Variants in KLK2 observed in about 807,000 individuals in gnomAD.
The protein encoded by KLK2 is kallikrein-2.
KLK2 carries 17 observed loss-of-function variants against 23.0 expected under a neutral mutation model. The ratio of observed to expected loss-of-function variants is 0.74; its 90% CI spans 0.51 to 1.11. The LOEUF (loss-of-function observed/expected upper bound fraction) is 1.11. Ranked by LOEUF, KLK2 falls within the 50% of genes least tolerant of loss-of-function variation. The pLI is 0.00. For missense variants in KLK2, 330 were observed against 325.9 expected (o/e 1.01, Z -0.10); for synonymous variants, 140 against 124.7 (o/e 1.12, Z -0.82).
At chr19:50,876,242 GCTCT>G in intron 2 of KLK2, 2 of 567,376 alleles carry the variant, frequency 3.5e-6, no homozygotes, top group Non-Finnish European at 6.3e-6. Context: ...GCCATTTTAT[GCTCT>G]CTCTTTTCCA....
chr19:50,878,403 G>C lies in KLK2; in HGVS notation c.631-1G>C. On this transcript the variant is annotated splice_acceptor_variant, in intron 4 of 4. Transcript: ENST00000325321. LOFTEE classifies it high-confidence loss of function. ...CTGTGTCTCTCCTCCTTTACCCTTAGGGTGATTCTGGGGGTCCACTTGTCT... is the reference window on the plus strand; with the variant it reads ...CTGTGTCTCTCCTCCTTTACCCTTACGGTGATTCTGGGGGTCCACTTGTCT... 6.2e-7 allele frequency: 1 copy of C among 1,612,442 alleles called. No homozygotes were observed. The highest frequency in any genetic ancestry group is 8.5e-7 in the Non-Finnish European group (1 of 1,178,840).
chr19:50,876,606 A>T lies in KLK2; in HGVS notation c.341A>T (p.Asp114Val), dbSNP rs1313589053. 1 of 1,614,084 alleles carries T rather than the reference A, an allele frequency of 6.2e-7. No homozygotes were observed. Among genetic ancestry groups the T allele is most frequent in the African/African-American group, 1.3e-5 (1 of 74,934 alleles). Residue 114 changes from aspartate to valine, a missense_variant, in exon 3 of 5, where the codon GAT (aspartate) becomes GTT (valine). Physicochemically the swap from Asp to Val is radical, Grantham distance 152. Transcript: ENST00000325321. ...CTGAAGCATCAAAGCCTTAGACCAG[A>T]TGAAGACTCCAGCCATGACCTCATG... ...SLLKHQSLRP[D>V]EDSSHDLMLL... is the part of the protein sequence containing the mutation.
Position 50,879,002 on chromosome 19 carries a change from C to T in KLK2, c.*443C>T, listed in dbSNP as rs978382876. 7.2e-5 allele frequency: 17 copies of T among 237,544 alleles called. No homozygotes were observed. The highest frequency in any genetic ancestry group is 3.5e-4 in the African/African-American group (16 of 45,458). 14.7% of individuals were successfully genotyped at this position (237,544 alleles called of 1,614,324 possible). A position where few individuals can be genotyped will look rare whatever the true frequency, so the allele number is the denominator to read the frequency against. On this transcript the variant is annotated 3_prime_UTR_variant, in exon 5 of 5. Coordinates refer to ENST00000325321, the MANE Select transcript of KLK2 (RefSeq NM_005551.5). ...CACAATGCATGAGGCACACACACAG[C>T]AAGGATGACGCTGTAAACATAGCCC...
chr19:50,880,522 A>G lies in KLK2; in HGVS notation c.*1963A>G, dbSNP rs1283477355. 1 of 211,414 alleles carries G rather than the reference A, an allele frequency of 4.7e-6. No homozygotes were observed. The highest frequency in any genetic ancestry group is 9.6e-6 in the Non-Finnish European group (1 of 104,366). 13.1% of individuals were successfully genotyped at this position (211,414 alleles called of 1,614,324 possible). A position where few individuals can be genotyped will look rare whatever the true frequency, so the allele number is the denominator to read the frequency against. On this transcript the variant is annotated 3_prime_UTR_variant, in exon 5 of 5. Transcript: ENST00000325321. ...AAGATTTTGTGGCACTCCTGGTTAC[A>G]GATACTGGGGCAGCAAATAAAACTG...
chr19:50,879,500 G>A lies in KLK2; in HGVS notation c.*941G>A. 8.6e-6 allele frequency: 2 copies of A among 231,640 alleles called. No homozygotes were observed. The highest frequency in any genetic ancestry group is 1.7e-5 in the Non-Finnish European group (2 of 117,088). The allele number at this position is 231,640 out of a possible 1,614,324, so 14.3% of individuals were successfully genotyped here. A position where few individuals can be genotyped will look rare whatever the true frequency, so the allele number is the denominator to read the frequency against. ...CATATCTGACAGTTATTCTCTCCAAGTGGAGACTTACGGACAGCATATAAT... is the reference window on the plus strand; with the variant it reads ...CATATCTGACAGTTATTCTCTCCAAATGGAGACTTACGGACAGCATATAAT... On this transcript the variant is annotated 3_prime_UTR_variant, in exon 5 of 5. Transcript: ENST00000325321.
Position 50,876,650 on chromosome 19 carries a change from C to A in KLK2, c.385C>A (p.Pro129Thr), listed in dbSNP as rs775716275. 6.2e-7 allele frequency: 1 copy of A among 1,614,176 alleles called. No individual in the cohort carries two copies. ...CCTCATGCTGCTCCGCCTGTCAGAG[C>A]CTGCCAAGATCACAGATGTTGTGAA... ...HDLMLLRLSE[P>T]AKITDVVKVL... The change falls in exon 3 of 5, where the codon CCT (proline) becomes ACT (threonine). Residue 129 changes from proline to threonine, a missense_variant. Pro to Thr is a conservative substitution (Grantham distance 38, BLOSUM62 -1). Transcript: ENST00000325321.
chr19:50,876,022 C>T (rs528526746), intron 2 of KLK2: 1 of 198,054 alleles, frequency 5.0e-6, no homozygotes, highest in South Asian at 9.0e-5. Flanking sequence ...CTTTTTCTCT[C>T]CCACACTGTA....
intron 4 of KLK2, among the ~76,000 whole-genome samples, chr19:50,878,027 G>A (rs1194260959): frequency 6.6e-6 from 1 of 152,144 alleles, no homozygotes; most frequent in Non-Finnish European, 1.5e-5. Flanking sequence ...CCAATGCCCT[G>A]GAGAGGGGAC....
rs780657127 is a variant in KLK2, at chr19:50,876,736, G to A, written c.471G>A (p.Trp157Ter). The A allele has an allele frequency of 3.1e-6, 5 of 1,614,100 alleles. No individual in the cohort carries two copies. Among genetic ancestry groups the A allele is most frequent in the Non-Finnish European group, 3.4e-6 (4 of 1,180,008 alleles). Residue 157 changes from tryptophan to a stop codon, truncating the protein, a stop_gained, in exon 3 of 5, where the codon TGG becomes TGA. Coordinates refer to ENST00000325321, the MANE Select transcript of KLK2 (RefSeq NM_005551.5). LOFTEE classifies it high-confidence loss of function. ...ALGTTCYASG[W>*]GSIEPEEFLR... is the part of the protein sequence containing the mutation. ...GGACCACCTGCTACGCCTCAGGCTG[G>A]GGCAGCATCGAACCAGAGGAGTGTA...
At chr19:50,875,786 A>C (rs111859906) in intron 2 of KLK2, 4 of 154,062 alleles carry the variant, frequency 2.6e-5, no homozygotes, top group African/African-American at 4.8e-5. Flanking sequence ...GTGACAGAGC[A>C]AGACTCCATC....
In KLK2 at chr19:50,880,157, C is replaced by A. The variant is rs568156313; in HGVS notation, c.*1598C>A. On this transcript the variant is annotated 3_prime_UTR_variant, in exon 5 of 5. Coordinates refer to ENST00000325321, the MANE Select transcript of KLK2 (RefSeq NM_005551.5). ...GGGTTATGAAGATGGTTGAACACCCCACACATAGCACCGGAGATATGAGAT... is the reference window on the plus strand; with the variant it reads ...GGGTTATGAAGATGGTTGAACACCCAACACATAGCACCGGAGATATGAGAT... The A allele has an allele frequency of 8.7e-6, 2 of 229,836 alleles. No homozygotes were observed. The highest frequency in any genetic ancestry group is 1.7e-5 in the Non-Finnish European group (2 of 116,042). The allele number at this position is 229,836 out of a possible 1,614,324, so 14.2% of individuals were successfully genotyped here.
At position 50,873,708 on chromosome 19, in the gene KLK2, A is replaced by T. The variant is rs1365630001; in HGVS notation, c.46+189A>T. ...GTCCCCGCTCCCTCCCACTTACCTC[A>T]GACCTTTCTCTCCATTGCCCAGCCA... is the stretch of plus-strand genomic sequence containing the variant. On this transcript the variant is annotated intron_variant, in intron 1 of 4. Transcript: ENST00000325321. 5.4e-6 allele frequency: 3 copies of T among 553,220 alleles called. No homozygotes were observed. The East Asian group carries it at 9.6e-5, about 18-fold the overall frequency. The allele number at this position is 553,220 out of a possible 1,614,324, so 34.3% of individuals were successfully genotyped here. A position where few individuals can be genotyped will look rare whatever the true frequency, so the allele number is the denominator to read the frequency against.
rs962681259 is a variant in KLK2, at chr19:50,880,162, A to C, written c.*1603A>C. The C allele has an allele frequency of 8.7e-6, 2 of 229,988 alleles. No homozygotes were observed. The highest frequency in any genetic ancestry group is 4.4e-5 in the African/African-American group (2 of 45,152). 14.2% of individuals were successfully genotyped at this position (229,988 alleles called of 1,614,324 possible). On this transcript the variant is annotated 3_prime_UTR_variant, in exon 5 of 5. Coordinates refer to ENST00000325321, the MANE Select transcript of KLK2 (RefSeq NM_005551.5). ...ATGAAGATGGTTGAACACCCCACAC[A>C]TAGCACCGGAGATATGAGATCAACA... is the stretch of plus-strand genomic sequence containing the variant.
chr19:50,877,148 G>A, intron 4 of KLK2, 140 bp downstream of exon 4: 1 of 1,042,398 alleles, frequency 9.6e-7, no homozygotes, highest in Non-Finnish European at 1.4e-6. Context: ...TGCCTCATCT[G>A]CCGCCCTCCT....
chr19:50,874,865 C>T lies in KLK2; in HGVS notation c.191C>T (p.Ala64Val), dbSNP rs2090266554. 2 of 1,612,820 alleles carry T rather than the reference C, an allele frequency of 1.2e-6. No individual in the cohort carries two copies. Among genetic ancestry groups the T allele is most frequent in the Non-Finnish European group, 1.7e-6 (2 of 1,179,256 alleles). Reference protein sequence around the residue: ...LVHPQWVLTAAHCLKKNSQVW... With the variant: ...LVHPQWVLTAVHCLKKNSQVW... ...CACCCCCAGTGGGTGCTCACAGCTG[C>T]CCATTGCCTAAAGAAGTAAGTAGGA... is the stretch of plus-strand genomic sequence containing the variant. Residue 64 changes from alanine (A) to valine (V), a missense_variant, in exon 2 of 5, where the codon GCC becomes GTC. Ala to Val is a moderately conservative substitution (Grantham distance 64, BLOSUM62 0). Transcript: ENST00000325321.
chr19:50,874,143 A>G (rs1157556972), intron 1 of KLK2: 1 of 152,772 alleles, frequency 6.5e-6, no homozygotes, highest in Non-Finnish European at 1.5e-5. Context: ...CCATGGGAAA[A>G]ACACGAGCAC....
At chr19:50,875,058 C>T (rs1216073396) in intron 2 of KLK2, 178 bp downstream of exon 2, 4 of 1,248,988 alleles carry the variant, frequency 3.2e-6, no homozygotes, top group Middle Eastern at 2.3e-4. Context: ...CCCATGGCTG[C>T]CTGGGTTTCT....
At position 50,878,764 on chromosome 19, in the gene KLK2, T is replaced by C; in HGVS notation, c.*205T>C. 1 of 488,824 alleles carries C rather than the reference T, an allele frequency of 2.0e-6. No homozygotes were observed. The highest frequency in any genetic ancestry group is 3.7e-6 in the Non-Finnish European group (1 of 272,676). The allele number at this position is 488,824 out of a possible 1,614,324, so 30.3% of individuals were successfully genotyped here. A position where few individuals can be genotyped will look rare whatever the true frequency, so the allele number is the denominator to read the frequency against. On this transcript the variant is annotated 3_prime_UTR_variant, in exon 5 of 5. Transcript: ENST00000325321. Reference sequence around the variant, plus strand: ...ATGGGCAGACACAGGTGTATGCCAATGTTTCTGAAATGGGTATAATTTCGT... The same window carrying C: ...ATGGGCAGACACAGGTGTATGCCAACGTTTCTGAAATGGGTATAATTTCGT...
At position 50,880,389 on chromosome 19, in the gene KLK2, G is replaced by C. The variant is rs1272294823; in HGVS notation, c.*1830G>C. ...GCTTTACTAAGTTTTGAGACTGGCA[G>C]GTAGTGAAACTCATTAGGCTGAGAA... On this transcript the variant is annotated 3_prime_UTR_variant, in exon 5 of 5. Coordinates refer to ENST00000325321, the MANE Select transcript of KLK2 (RefSeq NM_005551.5). The C allele has an allele frequency of 9.0e-6, 2 of 221,334 alleles. No homozygotes were observed. Among genetic ancestry groups the C allele is most frequent in the Non-Finnish European group, 1.8e-5 (2 of 110,556 alleles). The allele number at this position is 221,334 out of a possible 1,614,324, so 13.7% of individuals were successfully genotyped here.
Sources: gnomAD v4.1 joint callset for allele counts (sites outside exome capture counted in the v4.1 genomes callset) on GRCh38, gnomAD v4.1.1 for gene constraint, MANE v1.5 for transcripts, NCBI Gene and HGNC (gene_info 2026-07-23, HGNC 2026-07-21) for gene names.